CSMD1: variants seen among roughly 807,000 people sequenced by gnomAD.
CSMD1 encodes CUB and Sushi multiple domains 1.
In CSMD1, 213 loss-of-function variants were observed where a neutral mutation model predicts 417.5. That is an observed-to-expected ratio of 0.51 (90% confidence interval 0.46 to 0.57). CSMD1 has a LOEUF of 0.57. Among genes scored for constraint, CSMD1 ranks in the 20% least tolerant of loss-of-function variants. The pLI is 0.00. For synonymous variants in CSMD1, 2,862 were observed against 1,736.8 expected, an observed-to-expected ratio of 1.65 and a Z score of -16.11; for missense variants, 6,923 against 4,529.7, an observed-to-expected ratio of 1.53 and a Z score of -15.17.
At chr8:4,694,516 A>C (rs565638229) in intron 1 of CSMD1, among the ~76,000 whole-genome samples, 70 of 151,878 alleles carry the variant, frequency 4.6e-4, no homozygotes, top group African/African-American at 1.6e-3. Context: ...TCACCATGCC[A>C]GGCTAATTTT....
intron 49 of CSMD1, among the ~76,000 whole-genome samples, chr8:3,079,845 G>C (rs1813956330): frequency 6.6e-6 from 1 of 151,934 alleles, no homozygotes; most frequent in African/African-American, 2.4e-5. Context: ...GTGAGCAACA[G>C]CATCTATGAC....
chr8:4,285,588 G>A (rs926955953), intron 3 of CSMD1, among the ~76,000 whole-genome samples: 1 of 152,330 alleles, frequency 6.6e-6, no homozygotes, highest in Middle Eastern at 3.4e-3. Context: ...TTTTGGACCA[G>A]GCAGCTGGGA....
chr8:4,302,849 C>A (rs1314141660), intron 3 of CSMD1, among the ~76,000 whole-genome samples: 1 of 152,092 alleles, frequency 6.6e-6, no homozygotes, highest in Non-Finnish European at 1.5e-5. Flanking sequence ...TTTTCCAGGA[C>A]TAGCAGGCAG....
At chr8:2,968,107 C>T (rs1804130729) in intron 57 of CSMD1, among the ~76,000 whole-genome samples, 1 of 152,154 alleles carries the variant, frequency 6.6e-6, no homozygotes, top group South Asian at 2.1e-4. Context: ...ATTTAAGGCT[C>T]TCTAAAACTT....
intron 1 of CSMD1, among the ~76,000 whole-genome samples, chr8:4,918,012 G>A (rs1339816873): frequency 2.6e-4 from 39 of 152,144 alleles, no homozygotes; most frequent in Admixed American, 2.5e-3. Context: ...TGAAATGACA[G>A]AAAAATCACT....
intron 5 of CSMD1, among the ~76,000 whole-genome samples, chr8:3,764,532 C>T (rs1470247046): frequency 2.6e-5 from 4 of 152,062 alleles, no homozygotes; most frequent in Non-Finnish European, 5.9e-5. Flanking sequence ...CCTGAGACAT[C>T]ACCAGGTGGG....
intron 2 of CSMD1, among the ~76,000 whole-genome samples, chr8:4,463,721 T>A (rs1298585785): frequency 6.6e-6 from 1 of 152,116 alleles, no homozygotes; most frequent in African/African-American, 2.4e-5. Flanking sequence ...CGAAAATAAA[T>A]TAGTGTTTCC....
intron 33 of CSMD1, among the ~76,000 whole-genome samples, chr8:3,191,911 C>A (rs1796448034): frequency 6.6e-6 from 1 of 152,146 alleles, no homozygotes; most frequent in Admixed American, 6.5e-5. Flanking sequence ...ATGCACAGTC[C>A]TTTAGCAGAA....
At chr8:4,451,470 T>C (rs1350177083) in intron 2 of CSMD1, among the ~76,000 whole-genome samples, 1 of 152,146 alleles carries the variant, frequency 6.6e-6, no homozygotes, top group Non-Finnish European at 1.5e-5. Flanking sequence ...AGTCCCACTC[T>C]CCTAAAGCTT....
intron 6 of CSMD1, among the ~76,000 whole-genome samples, chr8:3,712,312 T>C (rs73185372): frequency 0.33 from 49,532 of 150,666 alleles, 8,517 homozygotes; most frequent in East Asian, 0.49. Flanking sequence ...CACCCTTCCC[T>C]CGCCTCTTCC....
intron 5 of CSMD1, among the ~76,000 whole-genome samples, chr8:3,916,443 G>A (rs1190787478): frequency 1.3e-5 from 2 of 152,078 alleles, no homozygotes; most frequent in African/African-American, 2.4e-5. Flanking sequence ...ACACTTATAT[G>A]AACCATGACA....
intron 3 of CSMD1, among the ~76,000 whole-genome samples, chr8:4,253,994 G>A (rs1205996299): frequency 4.5e-5 from 6 of 132,502 alleles, no homozygotes; most frequent in African/African-American, 1.7e-4. Context: ...TCGGCTCACT[G>A]CAAGCTCTGC....
At chr8:3,268,701 T>G (rs971156153) in intron 26 of CSMD1, among the ~76,000 whole-genome samples, 5 of 152,308 alleles carry the variant, frequency 3.3e-5, no homozygotes, top group African/African-American at 7.2e-5. Flanking sequence ...TCCAGTGAAT[T>G]AAATGTGGAC....
intron 10 of CSMD1, among the ~76,000 whole-genome samples, 195 bp downstream of exon 10, chr8:3,574,750 A>G (rs1373412922): frequency 2.0e-5 from 3 of 152,230 alleles, no homozygotes; most frequent in Non-Finnish European, 2.9e-5. Flanking sequence ...CCACAGTGAG[A>G]ATACTCACTT....
intron 5 of CSMD1, among the ~76,000 whole-genome samples, chr8:3,980,441 A>T (rs993748799): frequency 6.6e-6 from 1 of 152,144 alleles, no homozygotes; most frequent in Non-Finnish European, 1.5e-5. Flanking sequence ...AAATCTTCAC[A>T]TCTTACACGT....
chr8:3,700,418 A>T (rs1800793568), intron 7 of CSMD1: 1 of 152,200 alleles, frequency 6.6e-6, no homozygotes, highest in African/African-American at 2.4e-5. Flanking sequence ...ATGTATATGT[A>T]ATATGTTATA....
chr8:4,091,422 C>G (rs956814836), intron 3 of CSMD1, among the ~76,000 whole-genome samples: 1 of 152,020 alleles, frequency 6.6e-6, no homozygotes, highest in African/African-American at 2.4e-5. Context: ...TTCTTTTACT[C>G]AAGTTATTAT....
At chr8:3,453,050 G>C (rs571824295) in intron 12 of CSMD1, among the ~76,000 whole-genome samples, 3 of 152,194 alleles carry the variant, frequency 2.0e-5, no homozygotes, top group Non-Finnish European at 4.4e-5. Context: ...TCTTGGGAGA[G>C]TGTATGTGTC....
intron 3 of CSMD1, among the ~76,000 whole-genome samples, chr8:4,240,607 T>C (rs2128821308): frequency 1.3e-5 from 2 of 152,324 alleles, no homozygotes; most frequent in South Asian, 4.1e-4. Context: ...CCTTTCACAC[T>C]GAGGATGGCT....
Sources: gnomAD v4.1 joint callset for allele counts (sites outside exome capture counted in the v4.1 genomes callset) on GRCh38, gnomAD v4.1.1 for gene constraint, MANE v1.5 for transcripts, NCBI Gene and HGNC (gene_info 2026-07-23, HGNC 2026-07-21) for gene names.